Variants in B9D2 observed in about 807,000 individuals in gnomAD.
The protein encoded by B9D2 is B9 domain-containing protein 2.
Under a neutral mutation model 19.2 loss-of-function variants are expected in B9D2, and 21 were observed. The observed-to-expected ratio is 1.09, with a 90% CI of 0.78 to 1.58. The LOEUF is 1.58. Ranked by LOEUF, B9D2 falls within the 40% of genes most tolerant of loss-of-function variation. The pLI is 0.00. For missense variants in B9D2, 221 were observed against 244.3 expected (o/e 0.90, Z 0.64); for synonymous variants, 91 against 100.6 (o/e 0.90, Z 0.57).
intron 2 of B9D2, among the ~76,000 whole-genome samples, chr19:41,358,880 C>T (rs2038358150): frequency 1.3e-5 from 2 of 152,064 alleles, no homozygotes; most frequent in South Asian, 4.1e-4. Context: ...CAGTGGCTCA[C>T]ACCTCTAATC....
intron 3 of B9D2, among the ~76,000 whole-genome samples, chr19:41,355,684 A>G (rs990084319): frequency 6.6e-6 from 1 of 152,200 alleles, no homozygotes; most frequent in African/African-American, 2.4e-5. Flanking sequence ...AGACATGAAC[A>G]TGGATGGCAG....
chr19:41,355,976 G>C (rs1394837259), intron 3 of B9D2, among the ~76,000 whole-genome samples: 6 of 152,210 alleles, frequency 3.9e-5, no homozygotes, highest in Admixed American at 2.6e-4. Context: ...GGCCCTGGGG[G>C]GGGACTGTCT....
chr19:41,354,714 C>G lies in B9D2; in HGVS notation c.514G>C (p.Gly172Arg). Residue 172 changes from glycine (G) to arginine (R), a missense_variant, in exon 4 of 4, where the codon GGC (glycine) becomes CGC (arginine). Transcript: ENST00000243578. The part of the protein sequence containing the change: ...GLLLRNFDRY[G>R]VEC ...GGCAGAGTCCCTCAGCACTCCACGC[C>G]GTAGCGGTCGAAGTTGCGGAGCAGC... The G allele has an allele frequency of 6.2e-7, 1 of 1,614,000 alleles. No individual in the cohort carries two copies. The highest frequency in any genetic ancestry group is 8.5e-7 in the Non-Finnish European group (1 of 1,180,018).
chr19:41,357,399 T>C (rs927707168), intron 3 of B9D2, among the ~76,000 whole-genome samples: 1 of 152,154 alleles, frequency 6.6e-6, no homozygotes, highest in African/African-American at 2.4e-5. Flanking sequence ...GTGAAATATA[T>C]GGCACATTTA....
intron 2 of B9D2, among the ~76,000 whole-genome samples, chr19:41,358,942 C>T (rs2038359882): frequency 6.6e-6 from 1 of 151,964 alleles, no homozygotes; most frequent in South Asian, 2.1e-4. Flanking sequence ...GTCAGGAGTT[C>T]AAGACCAGCC....
At chr19:41,357,716 C>T (rs946875358) in intron 3 of B9D2, among the ~76,000 whole-genome samples, 181 bp downstream of exon 3, 2 of 143,822 alleles carry the variant, frequency 1.4e-5, no homozygotes, top group African/African-American at 2.5e-5. Flanking sequence ...AACTTGGGAT[C>T]GCCTATTGAG....
chr19:41,361,805 C>T lies in B9D2; in HGVS notation c.88+1627G>A, dbSNP rs577997834. ...CTGTCTCAAAAAAAAAAGGGCCAGG[C>T]GCAGTGGCTCACGCCTGTAATCCCA... On this transcript the variant is annotated intron_variant, in intron 2 of 3. Coordinates refer to ENST00000243578, the MANE Select transcript of B9D2 (RefSeq NM_030578.4). Among the ~76,000 whole-genome samples the T allele has an allele frequency of 1.7e-3, 102 of 60,924 alleles. 24 individuals carry two copies. Among genetic ancestry groups the T allele is most frequent in the African/African-American group, 6.5e-3 (94 of 14,472 alleles). The allele number at this position is 60,924 out of a possible 152,430, so 40.0% of individuals were successfully genotyped here.
In B9D2 at chr19:41,360,672, A is replaced by C. The variant is rs187191954; in HGVS notation, c.89-2650T>G. On this transcript the variant is annotated intron_variant, in intron 2 of 3. Coordinates refer to ENST00000243578, the MANE Select transcript of B9D2 (RefSeq NM_030578.4). ...AGGCACACGCCGCCATGCCCAGCTAATTTTTTTTGTATTTTTAGTAGAAAT... is the reference window on the plus strand; with the variant it reads ...AGGCACACGCCGCCATGCCCAGCTACTTTTTTTTGTATTTTTAGTAGAAAT... Among the ~76,000 whole-genome samples the C allele has an allele frequency of 6.7e-3, 1,015 of 150,436 alleles. 7 individuals carry two copies. Among genetic ancestry groups the C allele is most frequent in the African/African-American group, 0.022 (884 of 40,896 alleles).
Position 41,354,919 on chromosome 19 carries a change from C to T in B9D2, c.309G>A (p.Pro103=), listed in dbSNP as rs201735642. The T allele has an allele frequency of 4.3e-5, 69 of 1,613,408 alleles. No homozygotes were observed. Among genetic ancestry groups the T allele is most frequent in the Non-Finnish European group, 5.1e-5 (60 of 1,179,802 alleles). ...GYGFCHVPSS[P]GTHQLACPTW... ...TGGGGCAGGCCAGCTGGTGGGTGCC[C>T]GGGCTACTGGGCACATGGCAAAATC... The change falls in exon 4 of 4, where the codon CCG becomes CCA. Residue 103 remains proline (P), a synonymous_variant. Coordinates refer to ENST00000243578, the MANE Select transcript of B9D2 (RefSeq NM_030578.4).
At position 41,355,000 on chromosome 19, in the gene B9D2, G is replaced by A. The variant is rs1207350946; in HGVS notation, c.228C>T (p.Leu76=). The A allele has an allele frequency of 1.3e-6, 2 of 1,599,442 alleles. No individual in the cohort carries two copies. Among genetic ancestry groups the A allele is most frequent in the South Asian group, 1.1e-5 (1 of 89,858 alleles). The change falls in exon 4 of 4, where the codon CTC becomes CTT. Residue 76 remains leucine (L), a synonymous_variant. Transcript: ENST00000243578. ...ATKGLQGWPR[L]HFQVWSQDSF... is the part of the protein sequence containing the mutation. The stretch of plus-strand genomic sequence containing the variant: ...TGTCCTGGGACCACACCTGGAAATG[G>A]AGCCGGGGCCAGCCTGCAGGAAAGG...
At chr19:41,362,240 A>G (rs1166229527) in intron 2 of B9D2, among the ~76,000 whole-genome samples, 3 of 151,330 alleles carry the variant, frequency 2.0e-5, no homozygotes, top group African/African-American at 7.3e-5. Flanking sequence ...AAAAAAAAAA[A>G]ATAGCCGGGC....
At chr19:41,355,524 T>C (rs2038299379) in intron 3 of B9D2, among the ~76,000 whole-genome samples, 2 of 152,070 alleles carry the variant, frequency 1.3e-5, no homozygotes, top group Non-Finnish European at 2.9e-5. Context: ...GAAGCATCTT[T>C]CTCTCCTTCC....
intron 3 of B9D2, 39 bp downstream of exon 3, chr19:41,357,857 CT>C: frequency 6.2e-7 from 1 of 1,612,702 alleles, no homozygotes; most frequent in African/African-American, 1.3e-5. Context: ...TACTGGCCCC[CT>C]CCCCTCAGCC....
chr19:41,360,802 C>T (rs1276726992), intron 2 of B9D2, among the ~76,000 whole-genome samples: 1 of 152,194 alleles, frequency 6.6e-6, no homozygotes. Flanking sequence ...AGCCACCGCG[C>T]CTGGCCTGCT....
chr19:41,363,220 C>T lies in B9D2; in HGVS notation c.88+212G>A, dbSNP rs2123146064. 7 of 608,136 alleles carry T rather than the reference C, an allele frequency of 1.2e-5. 1 individual carries two copies. In the Admixed American group the frequency reaches 1.5e-4, roughly 13 times the overall value. 37.7% of individuals were successfully genotyped at this position (608,136 alleles called of 1,614,324 possible). On this transcript the variant is annotated intron_variant, in intron 2 of 3. Coordinates refer to ENST00000243578, the MANE Select transcript of B9D2 (RefSeq NM_030578.4). ...ATGATCACACCACCTTACTCCAGCC[C>T]GGGCGCAGAGAGAGACCCTGTCTGT...
Position 41,357,928 on chromosome 19 carries a change from G to A in B9D2, c.183C>T (p.Ile61=), listed in dbSNP as rs140901774. Residue 61 remains isoleucine (I), a synonymous_variant, in exon 3 of 4, where the codon ATC becomes ATT. Coordinates refer to ENST00000243578, the MANE Select transcript of B9D2 (RefSeq NM_030578.4). ...IGDMAYWSHP[I]DLHFATKGLQ... ...GACCTTTGGTGGCGAAGTGCAGGTCGATGGGGTGGGACCAGTAAGCCATGT... is the reference window on the plus strand; with the variant it reads ...GACCTTTGGTGGCGAAGTGCAGGTCAATGGGGTGGGACCAGTAAGCCATGT... 448 of 1,614,146 alleles carry A rather than the reference G, an allele frequency of 2.8e-4. 4 individuals carry two copies. In the African/African-American group the frequency reaches 5.0e-3, roughly 18 times the overall value.
rs141578342 is a variant in B9D2, at chr19:41,354,712, G to T, written c.516C>A (p.Gly172=). 5.0e-6 allele frequency: 8 copies of T among 1,614,006 alleles called. No individual in the cohort carries two copies. The East Asian group carries it at 1.8e-4, about 36-fold the overall frequency. The change falls in exon 4 of 4, where the codon GGC becomes GGA. Residue 172 remains glycine, a synonymous_variant. Coordinates refer to ENST00000243578, the MANE Select transcript of B9D2 (RefSeq NM_030578.4). ...GAGGCAGAGTCCCTCAGCACTCCAC[G>T]CCGTAGCGGTCGAAGTTGCGGAGCA... ...GLLLRNFDRY[G]VEC
Position 41,354,854 on chromosome 19 carries a change from C to T in B9D2, c.374G>A (p.Arg125Gln), listed in dbSNP as rs1054797. 4.8e-5 allele frequency: 77 copies of T among 1,613,836 alleles called. No homozygotes were observed. The Admixed American group carries it at 5.2e-4, about 11-fold the overall frequency. Residue 125 changes from arginine to glutamine, a missense_variant, in exon 4 of 4, where the codon CGG becomes CAG. Coordinates refer to ENST00000243578, the MANE Select transcript of B9D2 (RefSeq NM_030578.4). ...PLGSWREQLA[R>Q]AFVGGGPQLL... ...CTGCGGCCCACCACCCACGAAAGCCCGTGCCAACTGTTCTCGCCAACTGCC... is the reference window on the plus strand; with the variant it reads ...CTGCGGCCCACCACCCACGAAAGCCTGTGCCAACTGTTCTCGCCAACTGCC...
chr19:41,360,478 C>T (rs1465863481), intron 2 of B9D2, among the ~76,000 whole-genome samples: 2 of 151,798 alleles, frequency 1.3e-5, no homozygotes, highest in Admixed American at 1.3e-4. Flanking sequence ...CACCCAACTG[C>T]ACTCGTTTAT....
Sources: gnomAD v4.1 joint callset for allele counts (sites outside exome capture counted in the v4.1 genomes callset) on GRCh38, gnomAD v4.1.1 for gene constraint, MANE v1.5 for transcripts, NCBI Gene and HGNC (gene_info 2026-07-23, HGNC 2026-07-21) for gene names.